TUBA3D: variants seen among roughly 807,000 people sequenced by gnomAD.
TUBA3D encodes tubulin alpha 3d, also known as tubulin alpha-3D chain.
TUBA3D carries 24 observed loss-of-function variants against 36.1 expected under a neutral mutation model. The observed-to-expected ratio is 0.66, with a 90% confidence interval of 0.48 to 0.93. The LOEUF is 0.93. Ranked by LOEUF, TUBA3D falls within the 40% of genes least tolerant of loss-of-function variation. The pLI is 0.00. For missense variants in TUBA3D, 356 were observed against 614.5 expected, an observed-to-expected ratio of 0.58 and a Z score of 4.45; for synonymous variants, 185 against 247.2, an observed-to-expected ratio of 0.75 and a Z score of 2.36.
In TUBA3D at chr2:131,480,542, C is replaced by T. The variant is rs137932380; in HGVS notation, c.849C>T (p.His283=). The T allele has an allele frequency of 2.3e-3, 3,664 of 1,607,258 alleles. 69 individuals are homozygous for T. The highest frequency in any genetic ancestry group is 6.8e-3 in the South Asian group (619 of 90,844). Reference sequence around the variant, plus strand: ...TCATCTCAGCTGAGAAGGCCTACCACGAGCAGCTGTCTGTGGCCGAGATCA... The same window carrying T: ...TCATCTCAGCTGAGAAGGCCTACCATGAGCAGCTGTCTGTGGCCGAGATCA... ...APVISAEKAY[H]EQLSVAEITN... The change falls in exon 4 of 5, where the codon CAC becomes CAT. Residue 283 remains histidine, a synonymous_variant. Coordinates refer to ENST00000321253, the MANE Select transcript of TUBA3D (RefSeq NM_080386.4).
intron 3 of TUBA3D, 93 bp downstream of exon 3, chr2:131,479,549 C>G: frequency 6.4e-7 from 1 of 1,571,466 alleles, no homozygotes; most frequent in Non-Finnish European, 8.7e-7. Flanking sequence ...ACACTTAGAC[C>G]AGCATCTTGG....
intron 1 of TUBA3D, among the ~76,000 whole-genome samples, chr2:131,476,403 G>A (rs1266950011): frequency 1.3e-5 from 2 of 152,200 alleles, no homozygotes; most frequent in Non-Finnish European, 2.9e-5. Flanking sequence ...TGTTTTAGAT[G>A]AAGCTGCCGG....
intron 1 of TUBA3D, 33 bp from the exon 2 acceptor site, chr2:131,478,131 T>C (rs912333410): frequency 3.8e-6 from 6 of 1,596,478 alleles, no homozygotes; most frequent in African/African-American, 1.3e-5. Flanking sequence ...TGCCTTGAAA[T>C]GAATGGGTTC....
intron 2 of TUBA3D, 62 bp downstream of exon 2, chr2:131,478,448 C>T: frequency 1.4e-6 from 2 of 1,449,892 alleles, no homozygotes; most frequent in Non-Finnish European, 9.3e-7. Flanking sequence ...TGGTAAAGCC[C>T]CGTGTGGGCT....
Position 131,480,524 on chromosome 2 carries a change from A to G in TUBA3D, c.831A>G (p.Ser277=), listed in dbSNP as rs141085947. ...FPLATYAPVI[S]AEKAYHEQLS... ...TGGCCACCTATGCCCCAGTCATCTCAGCTGAGAAGGCCTACCACGAGCAGC... is the reference window on the plus strand; with the variant it reads ...TGGCCACCTATGCCCCAGTCATCTCGGCTGAGAAGGCCTACCACGAGCAGC... The change falls in exon 4 of 5, where the codon TCA becomes TCG. Residue 277 remains serine (S), a synonymous_variant. Coordinates refer to ENST00000321253, the MANE Select transcript of TUBA3D (RefSeq NM_080386.4). 7,377 of 1,602,952 alleles carry G rather than the reference A, an allele frequency of 4.6e-3. 214 individuals are homozygous for G. The highest frequency in any genetic ancestry group is 7.9e-3 in the African/African-American group (532 of 67,260).
In TUBA3D at chr2:131,476,171, A is replaced by G; in HGVS notation, c.-29A>G. On this transcript the variant is annotated 5_prime_UTR_variant, in exon 1 of 5. Transcript: ENST00000321253. Reference sequence around the variant, plus strand: ...TGGCAGCCGGTTGAGGTCTGGCAGTAGCGTTGGGCTGAAGCAGCGGAGTTC... The same window carrying G: ...TGGCAGCCGGTTGAGGTCTGGCAGTGGCGTTGGGCTGAAGCAGCGGAGTTC... The G allele has an allele frequency of 6.2e-7, 1 of 1,613,844 alleles. No individual in the cohort carries two copies. Among genetic ancestry groups the G allele is most frequent in the Non-Finnish European group, 8.5e-7 (1 of 1,179,954 alleles).
At chr2:131,478,873 A>G (rs1286533490) in intron 2 of TUBA3D, 1 of 208,432 alleles carries the variant, frequency 4.8e-6, no homozygotes, top group Non-Finnish European at 9.6e-6. Flanking sequence ...CCAGGAGATG[A>G]CAGCATCACC....
intron 2 of TUBA3D, 117 bp downstream of exon 2, chr2:131,478,503 C>A (rs1678747378): frequency 2.9e-6 from 4 of 1,361,950 alleles, no homozygotes; most frequent in African/African-American, 2.9e-5. Flanking sequence ...CAGGCATATG[C>A]CCATGGCATT....
chr2:131,480,808 G>T (rs1678837835), intron 4 of TUBA3D, 59 bp downstream of exon 4: 2 of 1,570,252 alleles, frequency 1.3e-6, no homozygotes, highest in Non-Finnish European at 8.7e-7. Flanking sequence ...AATAACACTG[G>T]CCCTGAAGGC....
chr2:131,479,715 C>G (rs191581755), intron 3 of TUBA3D, among the ~76,000 whole-genome samples: 4 of 152,162 alleles, frequency 2.6e-5, no homozygotes, highest in Admixed American at 1.3e-4. Context: ...GGGCACACAC[C>G]TGTACTCCCA....
At position 131,482,835 on chromosome 2, in the gene TUBA3D, G is replaced by A. The variant is rs2104729134; in HGVS notation, c.1340G>A (p.Gly447Asp). The change falls in exon 5 of 5, where the codon GGC becomes GAC. Residue 447 changes from glycine to aspartate, a missense_variant. Coordinates refer to ENST00000321253, the MANE Select transcript of TUBA3D (RefSeq NM_080386.4). ...TCCGTGGAAGCTGAGGCTGAAGAAGGCGAAGAATACTGAGGGGAGGGTGTG... is the reference window on the plus strand; with the variant it reads ...TCCGTGGAAGCTGAGGCTGAAGAAGACGAAGAATACTGAGGGGAGGGTGTG... Reference protein sequence around the residue: ...VDSVEAEAEEGEEY With the variant: ...VDSVEAEAEEDEEY 6.2e-7 allele frequency: 1 copy of A among 1,613,922 alleles called. No individual in the cohort carries two copies. The highest frequency in any genetic ancestry group is 2.2e-5 in the East Asian group (1 of 44,874).
intron 4 of TUBA3D, 52 bp from the exon 5 acceptor site, chr2:131,482,500 T>C: frequency 6.5e-7 from 1 of 1,544,442 alleles, no homozygotes; most frequent in South Asian, 1.3e-5. Flanking sequence ...TAGCTACCAT[T>C]TCTAGGTTTG....
intron 2 of TUBA3D, 31 bp downstream of exon 2, chr2:131,478,417 C>T: frequency 6.3e-7 from 1 of 1,578,288 alleles, no homozygotes; most frequent in Non-Finnish European, 8.6e-7. Flanking sequence ...TGGCAGCTTT[C>T]CTGAGAGGGT....
intron 3 of TUBA3D, 66 bp from the exon 4 acceptor site, chr2:131,480,003 T>C: frequency 1.3e-6 from 2 of 1,519,214 alleles, no homozygotes; most frequent in Non-Finnish European, 1.8e-6. Context: ...GAAGCGGCCC[T>C]GGCTTGTTGG....
chr2:131,479,187 T>C (rs1350960317), intron 2 of TUBA3D, 121 bp from the exon 3 acceptor site: 1 of 1,430,708 alleles, frequency 7.0e-7, no homozygotes, highest in African/African-American at 1.4e-5. Flanking sequence ...TGTTGACCTA[T>C]GACATGTAGG....
chr2:131,480,866 G>A, intron 4 of TUBA3D, 117 bp downstream of exon 4: 1 of 1,418,972 alleles, frequency 7.0e-7, no homozygotes, highest in South Asian at 1.4e-5. Flanking sequence ...TAGGCATGTG[G>A]GCATAAATTA....
In TUBA3D at chr2:131,480,285, T is replaced by C; in HGVS notation, c.592T>C (p.Ser198Pro). 1 of 1,613,688 alleles carries C rather than the reference T, an allele frequency of 6.2e-7. No individual in the cohort carries two copies. The highest frequency in any genetic ancestry group is 8.5e-7 in the Non-Finnish European group (1 of 1,180,034). The change falls in exon 4 of 5, where the codon TCT becomes CCT. Residue 198 changes from serine (S) to proline (P), a missense_variant. Transcript: ENST00000321253. ...GACCACCCACACGACCCTGGAACAT[T>C]CTGACTGTGCCTTCATGGTCGACAA... ...ILTTHTTLEH[S>P]DCAFMVDNEA...
At chr2:131,481,294 G>T (rs1474112564) in intron 4 of TUBA3D, among the ~76,000 whole-genome samples, 4 of 150,750 alleles carry the variant, frequency 2.7e-5, no homozygotes, top group African/African-American at 7.3e-5. Context: ...TTTGAGACAG[G>T]GTCTTGCTTT....
intron 4 of TUBA3D, among the ~76,000 whole-genome samples, chr2:131,481,821 C>G (rs1210259612): frequency 1.3e-5 from 2 of 152,230 alleles, no homozygotes; most frequent in African/African-American, 2.4e-5. Context: ...GCCCACCTGT[C>G]TCCCAAAGTG....
Sources: allele counts gnomAD v4.1 joint callset (sites outside exome capture counted in the v4.1 genomes callset), GRCh38; gene constraint gnomAD v4.1.1; transcripts MANE v1.5; gene names NCBI Gene and HGNC (gene_info 2026-07-23, HGNC 2026-07-21).